Variants in MCM7 observed in about 807,000 individuals in gnomAD.
The protein encoded by MCM7 is DNA replication licensing factor MCM7.
Under a neutral mutation model 83.5 loss-of-function variants are expected in MCM7, and 95 were observed. The observed-to-expected ratio is 1.14, with a 90% CI of 0.96 to 1.35. The LOEUF is 1.35. Among genes scored for constraint, MCM7 ranks in the 40% most tolerant of loss-of-function variants. MCM7 has a pLI of 0.00. For missense variants in MCM7, 1,087 were observed against 957.4 expected (o/e 1.14, Z -1.79); for synonymous variants, 461 against 352.7 (o/e 1.31, Z -3.44).
In MCM7 at chr7:100,098,219, A is replaced by G. The variant is rs201726683; in HGVS notation, c.792T>C (p.Ile264=). 1.0e-4 allele frequency: 165 copies of G among 1,614,028 alleles called. No individual in the cohort carries two copies. Among genetic ancestry groups the G allele is most frequent in the Middle Eastern group, 1.6e-4 (1 of 6,084 alleles). Residue 264 remains isoleucine, a synonymous_variant, in exon 7 of 15, where the codon ATT becomes ATC. Coordinates refer to ENST00000303887, the MANE Select transcript of MCM7 (RefSeq NM_005916.5). ...TVLVEGENTR[I]AQPGDHVSVT... ...CGCTGACGTGGTCTCCAGGCTGGGC[A>G]ATCCTTGTGTTCTCTCCTTCTACCA...
Position 100,099,222 on chromosome 7 carries a change from C to T in MCM7, c.402-19G>A, listed in dbSNP as rs1204745792. 1 of 1,613,864 alleles carries T rather than the reference C, an allele frequency of 6.2e-7. No homozygotes were observed. Among genetic ancestry groups the T allele is most frequent in the African/African-American group, 1.3e-5 (1 of 74,860 alleles). ...CAGCTCACTAAGGGGAGAAAACAGT[C>T]ACAAACAAGATCCTGGAGAACCAAT... is the stretch of plus-strand genomic sequence containing the variant. On this transcript the variant is annotated intron_variant, in intron 4 of 14. Coordinates refer to ENST00000303887, the MANE Select transcript of MCM7 (RefSeq NM_005916.5).
chr7:100,100,860 C>T (rs1171815869), intron 1 of MCM7: 6 of 1,032,380 alleles, frequency 5.8e-6, no homozygotes, highest in Non-Finnish European at 7.0e-6. Context: ...CTGCCCGCCC[C>T]CGGGGCCTAC....
In MCM7 at chr7:100,095,406, G is replaced by C; in HGVS notation, c.1660C>G (p.Leu554Val). The C allele has an allele frequency of 6.2e-7, 1 of 1,613,704 alleles. No homozygotes were observed. The change falls in exon 12 of 15, where the codon CTG becomes GTG. Residue 554 changes from leucine to valine, a missense_variant. Physicochemically the swap from Leu to Val is conservative, Grantham distance 32. Coordinates refer to ENST00000303887, the MANE Select transcript of MCM7 (RefSeq NM_005916.5). ...TCCTACCTCATGAGCTTCATGTCCA[G>C]AGGTTCAAACTGGGAGGGGGGCTGC... ...SRQPPSQFEP[L>V]DMKLMRRYIA...
At position 100,098,600 on chromosome 7, in the gene MCM7, T is replaced by C. The variant is rs1222332604; in HGVS notation, c.698A>G (p.Gln233Arg). 2 of 1,614,066 alleles carry C rather than the reference T, an allele frequency of 1.2e-6. No homozygotes were observed. The highest frequency in any genetic ancestry group is 2.2e-5 in the East Asian group (1 of 44,902). ...CACATGTTCTTGCATCTTCATCTCCTGGAATTTGATGAATCTGGAGCCCCG... is the reference window on the plus strand; with the variant it reads ...CACATGTTCTTGCATCTTCATCTCCCGGAATTTGATGAATCTGGAGCCCCG... ...QTRGSRFIKF[Q>R]EMKMQEHSDQ... The change falls in exon 6 of 15, where the codon CAG becomes CGG. Residue 233 changes from glutamine (Q) to arginine (R), a missense_variant. Physicochemically the swap from Gln to Arg is conservative, Grantham distance 43 (BLOSUM62 1). Coordinates refer to ENST00000303887, the MANE Select transcript of MCM7 (RefSeq NM_005916.5).
At chr7:100,096,473 T>A (rs1038184403) in intron 10 of MCM7, among the ~76,000 whole-genome samples, 1 of 152,182 alleles carries the variant, frequency 6.6e-6, no homozygotes. Context: ...AACCAATTTT[T>A]AAAACTTTTT....
intron 10 of MCM7, among the ~76,000 whole-genome samples, chr7:100,096,993 C>T (rs1188779629): frequency 3.9e-5 from 6 of 152,000 alleles, no homozygotes; most frequent in African/African-American, 9.7e-5. Flanking sequence ...CCCAGCTACT[C>T]GGGAGGCTGA....
chr7:100,095,291 G>A, intron 12 of MCM7, 96 bp downstream of exon 12: 4 of 1,028,866 alleles, frequency 3.9e-6, no homozygotes, highest in Non-Finnish European at 5.9e-6. Flanking sequence ...GGAAGTGGTG[G>A]TGTGAAAAAC....
Position 100,093,069 on chromosome 7 carries a change from C to A in MCM7, c.2023G>T (p.Val675Phe). ...CGCTGCTCTGCCTCAGAGAACCGGA[C>A]ACTTCGGCCCCCTGAGACCAGTTCA... ...VRELVSGGRSVRFSEAEQRCV... is the reference protein window; with the variant it reads ...VRELVSGGRSFRFSEAEQRCV... The change falls in exon 15 of 15, where the codon GTC becomes TTC. Residue 675 changes from valine (V) to phenylalanine (F), a missense_variant. Val to Phe is a conservative substitution (Grantham distance 50, BLOSUM62 -1). Coordinates refer to ENST00000303887, the MANE Select transcript of MCM7 (RefSeq NM_005916.5). 1.2e-6 allele frequency: 2 copies of A among 1,614,242 alleles called. No individual in the cohort carries two copies. Among genetic ancestry groups the A allele is most frequent in the Non-Finnish European group, 1.7e-6 (2 of 1,180,044 alleles).
Position 100,094,227 on chromosome 7 carries a change from G to A in MCM7, c.1794C>T (p.Ala598=), listed in dbSNP as rs1275790573. 4 of 1,614,068 alleles carry A rather than the reference G, an allele frequency of 2.5e-6. No homozygotes were observed. The highest frequency in any genetic ancestry group is 3.3e-4 in the Middle Eastern group (2 of 6,084). Residue 598 remains alanine, a synonymous_variant, in exon 13 of 15, where the codon GCC becomes GCT. Transcript: ENST00000303887. ...GCAGGGTCCGGGCAGAAGTATAGGT[G>A]GCATCCTTACTAGCCCAAGCCTCTC... ...MRREAWASKD[A]TYTSARTLLA...
rs1795629381 is a variant in MCM7 at position 100,096,223 on chromosome 7, C to G, written c.1202-56G>C. On this transcript the variant is annotated intron_variant, in intron 10 of 14. Transcript: ENST00000303887. Reference sequence around the variant, plus strand: ...GAGAAAGAACAAGAAAGAGAACAAGCAAAAGACAACAAACGGGCCAGGGAG... The same window carrying G: ...GAGAAAGAACAAGAAAGAGAACAAGGAAAAGACAACAAACGGGCCAGGGAG... 5.3e-6 allele frequency: 8 copies of G among 1,497,200 alleles called. No individual in the cohort carries two copies. The South Asian group carries it at 1.1e-4, about 20-fold the overall frequency. The allele number at this position is 1,497,200 out of a possible 1,614,324, so 92.7% of individuals were successfully genotyped here.
chr7:100,099,168 G>A lies in MCM7; in HGVS notation c.437C>T (p.Pro146Leu). 1.2e-6 allele frequency: 2 copies of A among 1,614,090 alleles called. No homozygotes were observed. Among genetic ancestry groups the A allele is most frequent in the Non-Finnish European group, 1.7e-6 (2 of 1,180,040 alleles). ...AGCCCGCACTTCCCGGATCACACGA[G>A]GCTTGTTGCTGCTAGGGCCTTGAAA... The part of the protein sequence containing the change: ...LYFQGPSSNK[P>L]RVIREVRADS... The change falls in exon 5 of 15, where the codon CCT (proline) becomes CTT (leucine). Residue 146 changes from proline (P) to leucine (L), a missense_variant. Pro to Leu is a moderately conservative substitution (Grantham distance 98). Coordinates refer to ENST00000303887, the MANE Select transcript of MCM7 (RefSeq NM_005916.5).
At chr7:100,100,653 C>A (rs933853544) in intron 1 of MCM7, 9 of 990,358 alleles carry the variant, frequency 9.1e-6, no homozygotes, top group Admixed American at 6.1e-5. Flanking sequence ...CAGCCCACTG[C>A]CGCCTTTCCC....
intron 4 of MCM7, 28 bp from the exon 5 acceptor site, chr7:100,099,231 G>C (rs1309173008): frequency 6.2e-7 from 1 of 1,613,978 alleles, no homozygotes; most frequent in African/African-American, 1.3e-5. Context: ...TCACAAACAA[G>C]ATCCTGGAGA....
At position 100,100,533 on chromosome 7, in the gene MCM7, C is replaced by T. The variant is rs1266211521; in HGVS notation, c.32-440G>A. The T allele has an allele frequency of 3.0e-6, 3 of 996,980 alleles. No individual in the cohort carries two copies. In the African/African-American group the frequency reaches 5.2e-5, roughly 17 times the overall value. The allele number at this position is 996,980 out of a possible 1,614,324, so 61.8% of individuals were successfully genotyped here. On this transcript the variant is annotated intron_variant, in intron 1 of 14. Coordinates refer to ENST00000303887, the MANE Select transcript of MCM7 (RefSeq NM_005916.5). ...CGCCATCGCTTCCGCTCTTAGTAAA[C>T]AAAGAAGCACATGGGCCCGGATTCC... is the stretch of plus-strand genomic sequence containing the variant.
At position 100,099,638 on chromosome 7, in the gene MCM7, A is replaced by G; in HGVS notation, c.227T>C (p.Leu76Pro). ...CAGCTCTTGTACGGCATCAGCAAAG[A>G]GCTTCGCGTAGCGCCTGGCATTCTC... is the stretch of plus-strand genomic sequence containing the variant. ...ICENARRYAK[L>P]FADAVQELLP... Residue 76 changes from leucine (L) to proline (P), a missense_variant, in exon 3 of 15, where the codon CTC becomes CCC. Transcript: ENST00000303887. 1 of 1,614,134 alleles carries G rather than the reference A, an allele frequency of 6.2e-7. No individual in the cohort carries two copies. Among genetic ancestry groups the G allele is most frequent in the Non-Finnish European group, 8.5e-7 (1 of 1,180,034 alleles).
At chr7:100,100,462 G>A (rs973332009) in intron 1 of MCM7, 281 of 994,850 alleles carry the variant, frequency 2.8e-4, no homozygotes, top group Non-Finnish European at 3.3e-4. Context: ...TGATTTCACC[G>A]GGACCTCCGC....
chr7:100,097,556 C>T (rs1795703892), intron 9 of MCM7, 58 bp downstream of exon 9: 1 of 1,610,922 alleles, frequency 6.2e-7, no homozygotes, highest in South Asian at 1.1e-5. Flanking sequence ...CACTTGTCAT[C>T]CTTTTTTCCT....
Position 100,099,215 on chromosome 7 carries a change from A to G in MCM7, c.402-12T>C, listed in dbSNP as rs781752781. The stretch of plus-strand genomic sequence containing the variant: ...GAAAATACAGCTCACTAAGGGGAGA[A>G]AACAGTCACAAACAAGATCCTGGAG... On this transcript the variant is annotated splice_polypyrimidine_tract_variant and intron_variant, in intron 4 of 14. Transcript: ENST00000303887. 6.2e-7 allele frequency: 1 copy of G among 1,613,894 alleles called. No individual in the cohort carries two copies. The highest frequency in any genetic ancestry group is 1.3e-5 in the African/African-American group (1 of 74,872).
At position 100,100,633 on chromosome 7, in the gene MCM7, A is replaced by G. The variant is rs905218897; in HGVS notation, c.32-540T>C. The G allele has an allele frequency of 3.0e-6, 3 of 989,756 alleles. No individual in the cohort carries two copies. The African/African-American group carries it at 5.2e-5, about 17-fold the overall frequency. The allele number at this position is 989,756 out of a possible 1,614,324, so 61.3% of individuals were successfully genotyped here. On this transcript the variant is annotated intron_variant, in intron 1 of 14. Transcript: ENST00000303887. Reference sequence around the variant, plus strand: ...GCCATTGGCCATCACACCCAGAGACACCGCGATCCCAGCCCACTGCCGCCT... The same window carrying G: ...GCCATTGGCCATCACACCCAGAGACGCCGCGATCCCAGCCCACTGCCGCCT...
Sources: gnomAD v4.1 joint callset for allele counts (sites outside exome capture counted in the v4.1 genomes callset) on GRCh38, gnomAD v4.1.1 for gene constraint, MANE v1.5 for transcripts, NCBI Gene and HGNC (gene_info 2026-07-23, HGNC 2026-07-21) for gene names.